Variants in CNTN4 observed in about 807,000 individuals in gnomAD.
CNTN4 encodes contactin 4.
In CNTN4, 77 loss-of-function variants were observed where a neutral mutation model predicts 122.5. That is an observed-to-expected ratio of 0.63 (90% CI 0.52 to 0.76). CNTN4 has a LOEUF of 0.76. CNTN4 is among the 30% of genes least tolerant of loss of function. The pLI is 0.00. For synonymous variants in CNTN4, 512 were observed against 447.0 expected (o/e 1.15, Z -1.83); for missense variants, 1,256 against 1,259.1 (o/e 1.00, Z 0.04).
chr3:2,881,946 T>C (rs1051336323), intron 8 of CNTN4, among the ~76,000 whole-genome samples: 3 of 152,204 alleles, frequency 2.0e-5, no homozygotes, highest in Non-Finnish European at 4.4e-5. Flanking sequence ...GCCAGGTAAT[T>C]CCAAACTCTT....
intron 4 of CNTN4, among the ~76,000 whole-genome samples, chr3:2,684,281 G>A (rs926802032): frequency 6.6e-6 from 1 of 152,158 alleles, no homozygotes; most frequent in Admixed American, 6.6e-5. Flanking sequence ...GGAAAAAAGA[G>A]CTAAGAAGGC....
chr3:2,389,100 G>T (rs965942747), intron 3 of CNTN4, among the ~76,000 whole-genome samples: 1 of 152,002 alleles, frequency 6.6e-6, no homozygotes, highest in Admixed American at 6.5e-5. Context: ...GGGGGAGGTT[G>T]CAGTGAGCTG....
At chr3:3,006,081 G>C (rs1431260135) in intron 14 of CNTN4, among the ~76,000 whole-genome samples, 1 of 151,906 alleles carries the variant, frequency 6.6e-6, no homozygotes, top group Non-Finnish European at 1.5e-5. Context: ...GTAGAGACGG[G>C]GTTTCAGGAT....
chr3:2,120,374 A>AAAT (rs2033653616), intron 2 of CNTN4, among the ~76,000 whole-genome samples: 16 of 59,084 alleles, frequency 2.7e-4, no homozygotes, highest in East Asian at 4.2e-4. Context: ...TATATATATA[A>AAAT]ATATATATAT....
At chr3:2,898,411 T>TATTCTCATCTGGTTCCTTGACCTCC (rs2094138231) in intron 10 of CNTN4, among the ~76,000 whole-genome samples, 1 of 152,182 alleles carries the variant, frequency 6.6e-6, no homozygotes. Flanking sequence ...TACCACTGAG[T>TATTCTCATCTGGTTCCTTGACCTCC]ATTCTCATCT....
At chr3:2,102,855 A>G (rs2032097283) in intron 2 of CNTN4, among the ~76,000 whole-genome samples, 1 of 151,796 alleles carries the variant, frequency 6.6e-6, no homozygotes, top group Non-Finnish European at 1.5e-5. Context: ...CTGATGTTTT[A>G]TTACTATATG....
At chr3:2,885,857 G>T (rs1043485087) in intron 9 of CNTN4, among the ~76,000 whole-genome samples, 1 of 152,138 alleles carries the variant, frequency 6.6e-6, no homozygotes, top group Non-Finnish European at 1.5e-5. Flanking sequence ...CTGGTATTTT[G>T]TTGGGGACGT....
At chr3:2,656,193 A>G (rs916085202) in intron 4 of CNTN4, among the ~76,000 whole-genome samples, 4 of 152,242 alleles carry the variant, frequency 2.6e-5, no homozygotes, top group African/African-American at 9.6e-5. Context: ...GACAGATGTA[A>G]TCTCATTTCG....
At chr3:2,784,511 T>C (rs766047455) in intron 6 of CNTN4, among the ~76,000 whole-genome samples, 2 of 152,188 alleles carry the variant, frequency 1.3e-5, no homozygotes, top group Non-Finnish European at 2.9e-5. Context: ...GTAGAAATAA[T>C]ATTCAAAGTT....
At chr3:2,451,665 C>T (rs2048834295) in intron 3 of CNTN4, among the ~76,000 whole-genome samples, 1 of 152,132 alleles carries the variant, frequency 6.6e-6, no homozygotes, top group South Asian at 2.1e-4. Flanking sequence ...TAATCATTTT[C>T]ATGCAACATA....
chr3:2,931,006 G>A (rs2094515604), intron 13 of CNTN4, among the ~76,000 whole-genome samples: 1 of 152,224 alleles, frequency 6.6e-6, no homozygotes, highest in African/African-American at 2.4e-5. Context: ...GTGGAGTTTA[G>A]ACTTGAATCA....
intron 2 of CNTN4, among the ~76,000 whole-genome samples, chr3:2,280,938 G>GT (rs1553615097): frequency 1.3e-5 from 2 of 152,200 alleles, no homozygotes; most frequent in Non-Finnish European, 1.5e-5. Flanking sequence ...AGAAGCAGCC[G>GT]TTCGGAGGAG....
chr3:2,935,635 G>A (rs2094561208), intron 13 of CNTN4, among the ~76,000 whole-genome samples: 1 of 152,054 alleles, frequency 6.6e-6, no homozygotes, highest in Non-Finnish European at 1.5e-5. Context: ...GGTTCTACAT[G>A]TGTCACGGAA....
intron 3 of CNTN4, among the ~76,000 whole-genome samples, chr3:2,347,696 C>A (rs999461909): frequency 2.0e-5 from 3 of 152,038 alleles, no homozygotes; most frequent in Non-Finnish European, 2.9e-5. Context: ...AAGCGTGAGC[C>A]ACCATGCCTG....
At chr3:2,522,456 G>A (rs1361030377) in intron 3 of CNTN4, among the ~76,000 whole-genome samples, 1 of 151,942 alleles carries the variant, frequency 6.6e-6, no homozygotes, top group Admixed American at 6.6e-5. Context: ...TCTCACATGA[G>A]AAATCTGATA....
chr3:2,673,665 C>T (rs2084668603), intron 4 of CNTN4, among the ~76,000 whole-genome samples: 1 of 152,066 alleles, frequency 6.6e-6, no homozygotes, highest in South Asian at 2.1e-4. Context: ...CTCAGCCTCC[C>T]AAGTAGCTGG....
At chr3:2,564,101 A>G (rs2079060595) in intron 3 of CNTN4, among the ~76,000 whole-genome samples, 1 of 152,152 alleles carries the variant, frequency 6.6e-6, no homozygotes, top group Non-Finnish European at 1.5e-5. Flanking sequence ...AGTACATATG[A>G]CAAAAAAATC....
At chr3:2,393,810 C>A (rs898421974) in intron 3 of CNTN4, among the ~76,000 whole-genome samples, 8 of 151,794 alleles carry the variant, frequency 5.3e-5, no homozygotes. Context: ...ATATAATGAC[C>A]AGTATGAACT....
intron 10 of CNTN4, among the ~76,000 whole-genome samples, chr3:2,892,925 A>G (rs1457757494): frequency 6.6e-6 from 1 of 152,222 alleles, no homozygotes; most frequent in Non-Finnish European, 1.5e-5. Context: ...AATCACAGCT[A>G]GAACTGCTTT....
Sources: gnomAD v4.1 joint callset for allele counts (sites outside exome capture counted in the v4.1 genomes callset) on GRCh38, gnomAD v4.1.1 for gene constraint, MANE v1.5 for transcripts, NCBI Gene and HGNC (gene_info 2026-07-23, HGNC 2026-07-21) for gene names.